ACSS3: variants seen among roughly 807,000 people sequenced by gnomAD.
The protein encoded by ACSS3 is acyl-CoA synthetase short chain family member 3, also known as acyl-CoA synthetase short-chain family member 3, mitochondrial.
In ACSS3, 64 loss-of-function variants were observed where a neutral mutation model predicts 84.2. The observed-to-expected ratio is 0.76, with a 90% confidence interval of 0.62 to 0.94. The LOEUF (loss-of-function observed/expected upper bound fraction) is 0.94. ACSS3 is among the 40% of genes least tolerant of loss of function. The pLI is 0.00. For missense variants in ACSS3, 815 were observed against 867.6 expected, an observed-to-expected ratio of 0.94 and a Z score of 0.76; for synonymous variants, 317 against 310.1, an observed-to-expected ratio of 1.02 and a Z score of -0.23.
intron 1 of ACSS3, among the ~76,000 whole-genome samples, chr12:81,086,344 G>A (rs1454513741): frequency 6.6e-6 from 1 of 151,992 alleles, no homozygotes; most frequent in Non-Finnish European, 1.5e-5. Flanking sequence ...TAGAAATAAG[G>A]CCTCTCAAAA....
intron 9 of ACSS3, chr12:81,199,680 C>G: frequency 2.8e-6 from 4 of 1,435,200 alleles, no homozygotes; most frequent in Non-Finnish European, 3.7e-6. Context: ...CTAAAGACCT[C>G]TTTATCTTCT....
chr12:81,198,377 T>C (rs2031938840), intron 8 of ACSS3, among the ~76,000 whole-genome samples: 1 of 152,138 alleles, frequency 6.6e-6, no homozygotes, highest in Non-Finnish European at 1.5e-5. Flanking sequence ...TATTGGAACA[T>C]AGGAGTGGAA....
chr12:81,112,159 T>C (rs1883653596), intron 2 of ACSS3, among the ~76,000 whole-genome samples: 1 of 152,196 alleles, frequency 6.6e-6, no homozygotes, highest in South Asian at 2.1e-4. Flanking sequence ...ATTTTCATCT[T>C]AGAAGAGGTT....
chr12:81,128,075 A>G (rs1271971450), intron 2 of ACSS3, among the ~76,000 whole-genome samples: 1 of 152,092 alleles, frequency 6.6e-6, no homozygotes, highest in Non-Finnish European at 1.5e-5. Flanking sequence ...GATGCATTAT[A>G]TGTTATATTT....
intron 11 of ACSS3, among the ~76,000 whole-genome samples, chr12:81,230,351 G>T (rs1882181): frequency 0.99 from 150,354 of 151,926 alleles, 74,412 homozygotes; most frequent in Middle Eastern, 1. Context: ...GATAAACAAG[G>T]AGATAGATAG....
chr12:81,219,913 CTT>C, intron 10 of ACSS3, 98 bp from the exon 11 acceptor site: 1 of 709,952 alleles, frequency 1.4e-6, no homozygotes, highest in Non-Finnish European at 2.1e-6. Flanking sequence ...AGATTACTCT[CTT>C]AAGCTAGAGC....
At chr12:81,138,309 T>A (rs939481733) in intron 3 of ACSS3, among the ~76,000 whole-genome samples, 1 of 152,166 alleles carries the variant, frequency 6.6e-6, no homozygotes, top group African/African-American at 2.4e-5. Flanking sequence ...CTGTGCTAGG[T>A]ATAGGAAACA....
intron 2 of ACSS3, among the ~76,000 whole-genome samples, chr12:81,127,676 A>AC (rs1180681809): frequency 6.6e-6 from 1 of 152,098 alleles, no homozygotes; most frequent in Non-Finnish European, 1.5e-5. Flanking sequence ...ACATTGTGGC[A>AC]TTTTGAAAAT....
At chr12:81,122,738 G>T (rs1565988736) in intron 2 of ACSS3, among the ~76,000 whole-genome samples, 1 of 152,078 alleles carries the variant, frequency 6.6e-6, no homozygotes, top group African/African-American at 2.4e-5. Context: ...ATATGTGAAT[G>T]CATAACTGTA....
intron 15 of ACSS3, among the ~76,000 whole-genome samples, chr12:81,253,932 A>C (rs2034226851): frequency 1.3e-5 from 2 of 152,166 alleles, no homozygotes; most frequent in Admixed American, 6.6e-5. Context: ...TTATTTATTT[A>C]TTTTAATTTA....
intron 11 of ACSS3, among the ~76,000 whole-genome samples, chr12:81,225,526 G>A (rs2033244939): frequency 6.6e-6 from 1 of 152,012 alleles, no homozygotes; most frequent in Non-Finnish European, 1.5e-5. Context: ...CACCTTGGAT[G>A]GGGATAAAAA....
intron 1 of ACSS3, among the ~76,000 whole-genome samples, chr12:81,107,559 T>TAA (rs1883174117): frequency 1.8e-5 from 2 of 114,066 alleles, no homozygotes; most frequent in Admixed American, 1.9e-4. Flanking sequence ...TATATATATA[T>TAA]AAATGTTTTT....
intron 9 of ACSS3, among the ~76,000 whole-genome samples, chr12:81,210,188 C>T (rs1010431271): frequency 2.6e-5 from 4 of 152,130 alleles, no homozygotes; most frequent in Non-Finnish European, 4.4e-5. Context: ...CATATTTTCC[C>T]CTTCCCTTTT....
chr12:81,175,054 A>G (rs541911243), intron 8 of ACSS3, 115 bp downstream of exon 8: 25 of 1,157,054 alleles, frequency 2.2e-5, no homozygotes, highest in South Asian at 5.2e-5. Flanking sequence ...CAAAAGATTC[A>G]GAGTGTTATT....
chr12:81,235,517 A>G (rs1362913990), intron 13 of ACSS3, among the ~76,000 whole-genome samples: 1 of 151,314 alleles, frequency 6.6e-6, no homozygotes, highest in Non-Finnish European at 1.5e-5. Context: ...CTATAGGTAC[A>G]ATGAACCCAT....
chr12:81,204,807 C>A (rs2032275169), intron 9 of ACSS3, among the ~76,000 whole-genome samples: 1 of 152,116 alleles, frequency 6.6e-6, no homozygotes, highest in African/African-American at 2.4e-5. Context: ...GAAGTAATGA[C>A]CACCAACTTG....
rs375222499 is a variant in ACSS3, at chr12:81,138,408, A to C, written c.646-723A>C. On this transcript the variant is annotated intron_variant, in intron 3 of 15. Transcript: ENST00000548058. The stretch of plus-strand genomic sequence containing the variant: ...AACACTGACTATAGCTGAACATTTG[A>C]GGCATGTCCAGAATGTACTGAAAAG... Among the ~76,000 whole-genome samples, 37 of 152,322 alleles carry C rather than the reference A, an allele frequency of 2.4e-4. No individual in the cohort carries two copies. The East Asian group carries it at 6.9e-3, about 29-fold the overall frequency.
At chr12:81,213,492 A>G (rs1270548521) in intron 9 of ACSS3, among the ~76,000 whole-genome samples, 2 of 151,614 alleles carry the variant, frequency 1.3e-5, no homozygotes, top group Non-Finnish European at 2.9e-5. Flanking sequence ...TAGTATGCTT[A>G]GAGTCCTAGG....
At chr12:81,234,045 A>G (rs1433917588) in intron 13 of ACSS3, among the ~76,000 whole-genome samples, 2 of 151,534 alleles carry the variant, frequency 1.3e-5, no homozygotes, top group African/African-American at 2.4e-5. Flanking sequence ...AAATAATTCC[A>G]TCATAATGTC....
Sources: allele counts gnomAD v4.1 joint callset (sites outside exome capture counted in the v4.1 genomes callset), GRCh38; gene constraint gnomAD v4.1.1; transcripts MANE v1.5; gene names NCBI Gene and HGNC (gene_info 2026-07-23, HGNC 2026-07-21).